Variants in KAZN observed in about 807,000 individuals in gnomAD.
KAZN encodes the protein kazrin.
A neutral mutation model predicts 87.4 loss-of-function variants in KAZN; 40 were observed. That is an observed-to-expected ratio of 0.46 (90% CI 0.36 to 0.60). The LOEUF (loss-of-function observed/expected upper bound fraction) is 0.60, where lower values mean the gene tolerates loss of function less well. Ranked by LOEUF, KAZN falls within the 20% of genes least tolerant of loss-of-function variation. The pLI, the probability that KAZN is intolerant of heterozygous loss-of-function variation, is 0.00. For missense variants in KAZN, 898 were observed against 1,073.9 expected (o/e 0.84, Z 2.29); for synonymous variants, 466 against 458.3 (o/e 1.02, Z -0.22).
At chr1:14,633,192 C>T (rs1247952976) in intron 1 of KAZN, among the ~76,000 whole-genome samples, 1 of 152,170 alleles carries the variant, frequency 6.6e-6, no homozygotes, top group Non-Finnish European at 1.5e-5. Context: ...GCTGGGATTA[C>T]AGGTGTGAGC....
At chr1:14,495,495 G>A (rs114002530) in intron 2 of KAZN, among the ~76,000 whole-genome samples, 1,657 of 152,252 alleles carry the variant, frequency 0.011, 31 homozygotes, top group Non-Finnish European at 8.5e-3. Flanking sequence ...AGAAATTCAT[G>A]CTCCTTTCCT....
intron 1 of KAZN, among the ~76,000 whole-genome samples, chr1:14,058,525 G>C (rs1222153746): frequency 6.6e-6 from 1 of 152,198 alleles, no homozygotes; most frequent in African/African-American, 2.4e-5. Flanking sequence ...AGTGCACACT[G>C]TGTCCTGGGC....
chr1:14,540,659 C>T (rs1157793496), intron 2 of KAZN, among the ~76,000 whole-genome samples: 20 of 152,146 alleles, frequency 1.3e-4, no homozygotes, highest in Admixed American at 1.3e-3. Context: ...AAAGAGTTAC[C>T]AAGTAAGCCA....
intron 1 of KAZN, among the ~76,000 whole-genome samples, chr1:14,911,257 C>T (rs935798705): frequency 6.6e-6 from 1 of 152,256 alleles, no homozygotes; most frequent in Non-Finnish European, 1.5e-5. Flanking sequence ...TGGGCCTAAG[C>T]AATCACGTTC....
Position 14,366,785 on chromosome 1 carries a change from G to A in KAZN, c.249+186193G>A, listed in dbSNP as rs375624478. The stretch of plus-strand genomic sequence containing the variant: ...CAGTAGACTCTCTGCCTTTTCACAT[G>A]AGGTGGCTGCTTTCCACCAGCAAGG... On this transcript the variant is annotated intron_variant, in intron 2 of 16. Coordinates refer to the KAZN transcript ENST00000636203. Among the ~76,000 whole-genome samples, 57 of 152,354 alleles carry A rather than the reference G, an allele frequency of 3.7e-4. No homozygotes were observed. The East Asian group carries it at 0.01, about 28-fold the overall frequency.
chr1:14,861,268 A>G (rs1264786947), intron 1 of KAZN, among the ~76,000 whole-genome samples: 3 of 152,194 alleles, frequency 2.0e-5, no homozygotes, highest in Admixed American at 2.0e-4. Context: ...AGTCCCCCCT[A>G]CTTGGGAGGC....
intron 1 of KAZN, among the ~76,000 whole-genome samples, chr1:14,887,521 C>G (rs536200764): frequency 6.6e-6 from 1 of 152,218 alleles, no homozygotes; most frequent in South Asian, 2.1e-4. Flanking sequence ...TGTCTGCCTA[C>G]GCAGGGTTAT....
intron 2 of KAZN, among the ~76,000 whole-genome samples, chr1:15,034,108 A>C (rs1468327373): frequency 2.0e-5 from 3 of 152,170 alleles, no homozygotes; most frequent in African/African-American, 7.2e-5. Flanking sequence ...TTCCAGATAG[A>C]AGCCGCTTAT....
At chr1:14,093,172 G>A (rs771451727) in intron 1 of KAZN, among the ~76,000 whole-genome samples, 1 of 152,120 alleles carries the variant, frequency 6.6e-6, no homozygotes, top group Non-Finnish European at 1.5e-5. Flanking sequence ...CCCAACACCA[G>A]CCACTGCCCG....
At chr1:14,148,627 A>G (rs1645403423) in intron 1 of KAZN, among the ~76,000 whole-genome samples, 1 of 151,638 alleles carries the variant, frequency 6.6e-6, no homozygotes, top group Admixed American at 6.6e-5. Context: ...TGTTTTGTTT[A>G]TGTTTCTTTT....
chr1:14,302,632 T>C (rs767138517), intron 2 of KAZN, among the ~76,000 whole-genome samples: 1 of 152,290 alleles, frequency 6.6e-6, no homozygotes, highest in South Asian at 2.1e-4. Flanking sequence ...TGGCAAATGG[T>C]GTGTACAAGT....
chr1:14,043,657 C>T (rs376957209), intron 1 of KAZN, among the ~76,000 whole-genome samples: 1 of 151,752 alleles, frequency 6.6e-6, no homozygotes, highest in Non-Finnish European at 1.5e-5. Flanking sequence ...TGAGTATGAA[C>T]GTAATAGACT....
At chr1:14,808,610 T>G (rs1394306647) in intron 1 of KAZN, among the ~76,000 whole-genome samples, 1 of 152,128 alleles carries the variant, frequency 6.6e-6, no homozygotes, top group Non-Finnish European at 1.5e-5. Context: ...GGTTTCTAAA[T>G]AATGGATGCT....
At chr1:14,999,377 G>T (rs1171536646) in intron 2 of KAZN, among the ~76,000 whole-genome samples, 3 of 152,232 alleles carry the variant, frequency 2.0e-5, no homozygotes, top group Non-Finnish European at 4.4e-5. Flanking sequence ...AGGGCTTTCT[G>T]GAGGATAAAG....
intron 1 of KAZN, among the ~76,000 whole-genome samples, chr1:14,889,002 G>A (rs915389648): frequency 2.8e-4 from 42 of 152,292 alleles, no homozygotes; most frequent in African/African-American, 9.4e-4. Context: ...AATAATGATA[G>A]CTAATGAGTT....
Position 14,606,271 on chromosome 1 carries a change from G to A in KAZN, c.226+7048G>A, listed in dbSNP as rs57227504. On this transcript the variant is annotated intron_variant, in intron 1 of 14. Coordinates refer to ENST00000376030, the MANE Select transcript of KAZN (RefSeq NM_201628.3). ...AAGCATCCTTTGGCTTGTTGCATTA[G>A]GGAGGTTCAGGGAGCTGTAGCCTTG... Among the ~76,000 whole-genome samples, 570 of 152,296 alleles carry A rather than the reference G, an allele frequency of 3.7e-3. 8 individuals carry two copies. Among genetic ancestry groups the A allele is most frequent in the African/African-American group, 0.013 (548 of 41,572 alleles).
chr1:14,599,578 C>T lies in KAZN; in HGVS notation c.226+355C>T, dbSNP rs1273524305. Among the ~76,000 whole-genome samples, 1 of 152,188 alleles carries T rather than the reference C, an allele frequency of 6.6e-6. No homozygotes were observed. Among genetic ancestry groups the T allele is most frequent in the Non-Finnish European group, 1.5e-5 (1 of 68,034 alleles). ...CATGCCGGGGCCTTTTCCCCACCCC[C>T]CGCAGGGGTGAATGGCACAGTTCCC... On this transcript the variant is annotated intron_variant, in intron 1 of 14. Coordinates refer to ENST00000376030, the MANE Select transcript of KAZN (RefSeq NM_201628.3). This position sits in a 1 kb window ranked among gnomAD's most constrained non-coding sequence, Gnocchi z 4.4.
chr1:14,136,611 C>T (rs1366285152), intron 1 of KAZN, among the ~76,000 whole-genome samples: 1 of 122,416 alleles, frequency 8.2e-6, no homozygotes, highest in Non-Finnish European at 1.6e-5. Flanking sequence ...TGACTGAGGG[C>T]CCAGGTGCAC....
intron 2 of KAZN, among the ~76,000 whole-genome samples, chr1:14,210,362 C>A (rs1324840295): frequency 2.0e-5 from 3 of 152,134 alleles, no homozygotes; most frequent in African/African-American, 4.8e-5. Context: ...AACTGTGAGT[C>A]CATTAAACCT....
Sources: gnomAD v4.1 joint callset for allele counts (sites outside exome capture counted in the v4.1 genomes callset) on GRCh38, gnomAD v4.1.1 for gene constraint, Gnocchi (gnomAD v3.1) non-coding constraint, MANE v1.5 for transcripts, NCBI Gene and HGNC (gene_info 2026-07-23, HGNC 2026-07-21) for gene names.